RBFOX1: variants seen among roughly 807,000 people sequenced by gnomAD.
RBFOX1 encodes the protein RNA binding fox-1 homolog 1.
A neutral mutation model predicts 57.7 loss-of-function variants in RBFOX1; 8 were observed. The ratio of observed to expected loss-of-function variants is 0.14; its 90% CI spans 0.08 to 0.25. The LOEUF (loss-of-function observed/expected upper bound fraction) is 0.25, where lower values mean the gene tolerates loss of function less well. Ranked by LOEUF, RBFOX1 falls within the 10% of genes least tolerant of loss-of-function variation. The pLI, the probability that RBFOX1 is intolerant of heterozygous loss-of-function variation, is 1.00. For missense variants in RBFOX1, 611 were observed against 548.5 expected (o/e 1.11, Z -1.14); for synonymous variants, 326 against 222.4 (o/e 1.47, Z -4.15).
chr16:6,845,244 C>A (rs577942462), intron 3 of RBFOX1, among the ~76,000 whole-genome samples: 1 of 151,560 alleles, frequency 6.6e-6, no homozygotes, highest in Non-Finnish European at 1.5e-5. Flanking sequence ...CGTTATGAAT[C>A]CTTGCCCGTA....
chr16:5,707,204 C>T (rs1424324222), intron 3 of RBFOX1, among the ~76,000 whole-genome samples: 1 of 152,178 alleles, frequency 6.6e-6, no homozygotes, highest in Non-Finnish European at 1.5e-5. Context: ...ACACCTGTAA[C>T]TATCTCTAAT....
intron 4 of RBFOX1, among the ~76,000 whole-genome samples, chr16:5,884,624 T>A (rs755772313): frequency 1.3e-5 from 2 of 152,144 alleles, no homozygotes; most frequent in Non-Finnish European, 2.9e-5. Context: ...TCCCGTGGAT[T>A]GCTCATCCCC....
intron 4 of RBFOX1, among the ~76,000 whole-genome samples, chr16:7,193,881 C>G (rs1033530011): frequency 6.6e-6 from 1 of 151,756 alleles, no homozygotes; most frequent in South Asian, 2.1e-4. Flanking sequence ...CTAAAATCTT[C>G]TTGGAGAGTT....
At chr16:5,594,082 A>G (rs11861612) in intron 2 of RBFOX1, among the ~76,000 whole-genome samples, 1 of 151,698 alleles carries the variant, frequency 6.6e-6, no homozygotes, top group East Asian at 2.0e-4. Flanking sequence ...CGTAGGTTTT[A>G]CTGGCGCCAT....
intron 2 of RBFOX1, among the ~76,000 whole-genome samples, chr16:6,587,255 CA>C (rs1480948777): frequency 6.6e-6 from 1 of 151,692 alleles, no homozygotes; most frequent in Admixed American, 6.6e-5. Flanking sequence ...ATTCCACATA[CA>C]AATGAGATAA....
intron 4 of RBFOX1, among the ~76,000 whole-genome samples, chr16:7,424,568 G>C (rs1598115896): frequency 6.6e-6 from 1 of 152,204 alleles, no homozygotes; most frequent in African/African-American, 2.4e-5. Context: ...CCATACGCTT[G>C]AATATGTTTT....
chr16:7,106,539 C>T (rs913026122), intron 4 of RBFOX1, among the ~76,000 whole-genome samples: 1 of 152,082 alleles, frequency 6.6e-6, no homozygotes. Context: ...TGCCTTTTGG[C>T]TTAAACATTT....
intron 3 of RBFOX1, among the ~76,000 whole-genome samples, chr16:7,033,884 A>T (rs975444674): frequency 1.3e-5 from 2 of 152,166 alleles, no homozygotes; most frequent in Non-Finnish European, 2.9e-5. Context: ...CAGGAGGATT[A>T]TTTGAGCCTG....
Position 6,721,867 on chromosome 16 carries a change from C to T in RBFOX1, c.-16+67217C>T, listed in dbSNP as rs548518615. 2.9e-3 allele frequency: 434 copies of T among 151,836 alleles called. 6 individuals carry two copies. The highest frequency in any genetic ancestry group is 0.01 in the African/African-American group (414 of 40,878). The allele number at this position is 151,836 out of a possible 1,614,324, so 9.4% of individuals were successfully genotyped here. On this transcript the variant is annotated intron_variant, in intron 3 of 15. Coordinates refer to ENST00000550418, the MANE Select transcript of RBFOX1 (RefSeq NM_018723.4). ...TGCAGGAGTATTAGTAAGCACCCCC[C>T]ACCAGCCCACATTATCCCCCCAAAA...
chr16:5,468,509 T>C (rs2069024686), intron 2 of RBFOX1, among the ~76,000 whole-genome samples: 1 of 152,180 alleles, frequency 6.6e-6, no homozygotes, highest in Non-Finnish European at 1.5e-5. Flanking sequence ...CTCCAAAAGT[T>C]AAACATAGAA....
chr16:5,395,145 T>A (rs2151427108), intron 1 of RBFOX1, among the ~76,000 whole-genome samples: 1 of 152,312 alleles, frequency 6.6e-6, no homozygotes, highest in African/African-American at 2.4e-5. Flanking sequence ...CCTGCCAGTT[T>A]TGGGGCATGC....
intron 4 of RBFOX1, among the ~76,000 whole-genome samples, chr16:7,110,180 C>T (rs1317692): frequency 0.33 from 43,522 of 131,810 alleles, 7,714 homozygotes; most frequent in South Asian, 0.46. Flanking sequence ...CGAGACCCCC[C>T]GTGTCTCAAA....
chr16:7,116,559 T>G (rs2065943255), intron 4 of RBFOX1, among the ~76,000 whole-genome samples: 1 of 152,106 alleles, frequency 6.6e-6, no homozygotes, highest in African/African-American at 2.4e-5. Flanking sequence ...TTCCACTAAA[T>G]GAGTCCATTA....
chr16:6,426,028 GGCATTT>G (rs1204665796), intron 2 of RBFOX1, among the ~76,000 whole-genome samples: 1 of 151,264 alleles, frequency 6.6e-6, no homozygotes, highest in Non-Finnish European at 1.5e-5. Flanking sequence ...GAATCTTGTT[GGCATTT>G]TACTTTCTAT....
At chr16:6,584,839 T>C (rs1471497736) in intron 2 of RBFOX1, among the ~76,000 whole-genome samples, 1 of 152,194 alleles carries the variant, frequency 6.6e-6, no homozygotes, top group Non-Finnish European at 1.5e-5. Context: ...CTCCAGCCGA[T>C]GTCTCATGCT....
At chr16:5,801,010 A>G (rs777492870) in intron 3 of RBFOX1, among the ~76,000 whole-genome samples, 1 of 152,154 alleles carries the variant, frequency 6.6e-6, no homozygotes, top group Admixed American at 6.5e-5. Flanking sequence ...AGAGAGTGGG[A>G]TCTTCTACCC....
chr16:7,192,419 C>T (rs185800859), intron 4 of RBFOX1, among the ~76,000 whole-genome samples: 3 of 152,132 alleles, frequency 2.0e-5, no homozygotes, highest in African/African-American at 7.2e-5. Context: ...ACTCAAATGC[C>T]TATAGAGGCC....
At chr16:5,506,825 A>C (rs2043395942) in intron 2 of RBFOX1, among the ~76,000 whole-genome samples, 1 of 151,960 alleles carries the variant, frequency 6.6e-6, no homozygotes, top group Non-Finnish European at 1.5e-5. Context: ...CCACCTTGGG[A>C]GTGGGGTCTA....
chr16:7,198,587 A>G (rs755240161), intron 4 of RBFOX1, among the ~76,000 whole-genome samples: 1 of 152,182 alleles, frequency 6.6e-6, no homozygotes, highest in Non-Finnish European at 1.5e-5. Context: ...TGGAGGCTGG[A>G]AAGTCCAAGA....
Sources: allele counts gnomAD v4.1 joint callset (sites outside exome capture counted in the v4.1 genomes callset), GRCh38; gene constraint gnomAD v4.1.1; transcripts MANE v1.5; gene names NCBI Gene and HGNC (gene_info 2026-07-23, HGNC 2026-07-21).